The following SERPINB12 variants were observed in gnomAD, a reference collection of about 807,000 sequenced individuals.
SERPINB12 encodes serpin family B member 12, also known as serpin B12.
A neutral mutation model predicts 41.1 loss-of-function variants in SERPINB12; 57 were observed. The ratio of observed to expected loss-of-function variants is 1.39; its 90% CI spans 1.12 to 1.73. The LOEUF (loss-of-function observed/expected upper bound fraction) is 1.73, where lower values mean the gene tolerates loss of function less well. SERPINB12 is among the 40% of genes most tolerant of loss of function. SERPINB12 has a pLI of 0.00. For missense variants in SERPINB12, 536 were observed against 501.9 expected (o/e 1.07, Z -0.65); for synonymous variants, 180 against 181.3 (o/e 0.99, Z 0.06).
chr18:63,566,773 G>C lies in SERPINB12; in HGVS notation c.1040G>C (p.Arg347Thr), dbSNP rs752927011. The C allele has an allele frequency of 6.2e-7, 1 of 1,614,090 alleles. No homozygotes were observed. Among genetic ancestry groups the C allele is most frequent in the South Asian group, 1.1e-5 (1 of 91,064 alleles). Residue 347 changes from arginine to threonine, a missense_variant, in exon 8 of 8, where the codon AGG becomes ACG. Coordinates refer to ENST00000382768, the MANE Select transcript of SERPINB12 (RefSeq NM_001307928.2). The stretch of plus-strand genomic sequence containing the variant: ...ATTACGGATATCTTTGATGAAACGA[G>C]GGCTGATCTTACTGGAATCTCTCCA... ...MGITDIFDET[R>T]ADLTGISPSP... is the part of the protein sequence containing the mutation.
the SERPINB12 span, among the ~76,000 whole-genome samples, chr18:63,534,961 T>A: frequency 6.6e-6 from 1 of 151,986 alleles, no homozygotes; most frequent in East Asian, 1.9e-4. Flanking sequence ...ATGAGCAGAG[T>A]AAATGTCTCA....
rs1911113133 is a variant in SERPINB12 at position 63,566,730 on chromosome 18, A to G, written c.997A>G (p.Ile333Val). 2 of 1,614,114 alleles carry G rather than the reference A, an allele frequency of 1.2e-6. No homozygotes were observed. The highest frequency in any genetic ancestry group is 1.7e-6 in the Non-Finnish European group (2 of 1,180,014). ...GGAAGACAGCTATGATCTCAATTCC[A>G]TTTTACAAGACATGGGCATTACGGA... is the stretch of plus-strand genomic sequence containing the variant. ...TLEDSYDLNS[I>V]LQDMGITDIF... Residue 333 changes from isoleucine to valine, a missense_variant, in exon 8 of 8, where the codon ATT becomes GTT. Transcript: ENST00000382768.
the SERPINB12 span, among the ~76,000 whole-genome samples, chr18:63,524,403 C>T: frequency 6.6e-6 from 1 of 151,412 alleles, no homozygotes; most frequent in African/African-American, 2.4e-5. Flanking sequence ...AATTCTCCTG[C>T]CTCAGCCTCC....
chr18:63,553,376 T>TA (rs1910582609), intron 1 of SERPINB12, among the ~76,000 whole-genome samples: 1 of 152,194 alleles, frequency 6.6e-6, no homozygotes, highest in South Asian at 2.1e-4. Flanking sequence ...CAGTTTTTTT[T>TA]ATCTTGAGAA....
chr18:63,550,575 G>A (rs1228541320), intron 1 of SERPINB12, among the ~76,000 whole-genome samples: 1 of 152,154 alleles, frequency 6.6e-6, no homozygotes, highest in Non-Finnish European at 1.5e-5. Flanking sequence ...AGAAATAAGT[G>A]TAAGCTTAAT....
chr18:63,530,121 G>A, the SERPINB12 span, among the ~76,000 whole-genome samples: 2 of 152,128 alleles, frequency 1.3e-5, no homozygotes, highest in Non-Finnish European at 2.9e-5. Context: ...AATGATCTGG[G>A]TGACCTGGGT....
At chr18:63,556,482 C>T (rs901463595) in intron 2 of SERPINB12, among the ~76,000 whole-genome samples, 155 bp downstream of exon 2, 8 of 152,154 alleles carry the variant, frequency 5.3e-5, no homozygotes, top group Non-Finnish European at 1.5e-5. Context: ...GTATTTTCTC[C>T]ATCTTACTTC....
At position 63,565,603 on chromosome 18, in the gene SERPINB12, T is replaced by C. The variant is rs1369407843; in HGVS notation, c.864T>C (p.Gly288=). The change falls in exon 7 of 8, where the codon GGT becomes GGC. Residue 288 remains glycine, a synonymous_variant. Coordinates refer to ENST00000382768, the MANE Select transcript of SERPINB12 (RefSeq NM_001307928.2). ...CTCACTCTAAAGATAACCTGAAGGGTCTGGAAGAGGTAAATCTTCATTTCC... is the reference window on the plus strand; with the variant it reads ...CTCACTCTAAAGATAACCTGAAGGGCCTGGAAGAGGTAAATCTTCATTTCC... ...LPSHSKDNLK[G]LEELERKITY... is the part of the protein sequence containing the mutation. 2 of 1,608,454 alleles carry C rather than the reference T, an allele frequency of 1.2e-6. No homozygotes were observed. Among genetic ancestry groups the C allele is most frequent in the Non-Finnish European group, 1.7e-6 (2 of 1,178,318 alleles).
At chr18:63,530,112 A>G in the SERPINB12 span, among the ~76,000 whole-genome samples, 987 of 152,238 alleles carry the variant, frequency 6.5e-3, 11 homozygotes, top group African/African-American at 0.023. Context: ...TCATTGGTAA[A>G]TGATCTGGGT....
upstream of SERPINB12, among the ~76,000 whole-genome samples, chr18:63,538,727 C>T (rs1160519713): frequency 1.3e-5 from 2 of 152,128 alleles, no homozygotes; most frequent in Non-Finnish European, 2.9e-5. Context: ...ATTGCTGGAT[C>T]ATATAGTAAC....
chr18:63,564,359 A>G (rs989849676), intron 6 of SERPINB12, among the ~76,000 whole-genome samples: 2 of 152,202 alleles, frequency 1.3e-5, no homozygotes, highest in African/African-American at 4.8e-5. Flanking sequence ...GATGGGTGTT[A>G]TTATGATTTC....
At chr18:63,527,190 G>A in the SERPINB12 span, among the ~76,000 whole-genome samples, 3 of 152,102 alleles carry the variant, frequency 2.0e-5, no homozygotes, top group Admixed American at 2.0e-4. Context: ...TGCTGGTCTG[G>A]TTTGCTTGAC....
At chr18:63,534,638 G>A in the SERPINB12 span, among the ~76,000 whole-genome samples, 1 of 152,050 alleles carries the variant, frequency 6.6e-6, no homozygotes, top group Non-Finnish European at 1.5e-5. Flanking sequence ...AGAAAGAATA[G>A]ATGTTTAGGA....
At chr18:63,554,553 T>TA (rs1392527713) in intron 1 of SERPINB12, among the ~76,000 whole-genome samples, 1 of 152,198 alleles carries the variant, frequency 6.6e-6, no homozygotes, top group African/African-American at 2.4e-5. Flanking sequence ...TACATTTCTA[T>TA]CTTGGAAATA....
At chr18:63,559,791 A>T in intron 4 of SERPINB12, 73 bp downstream of exon 4, 2 of 1,501,960 alleles carry the variant, frequency 1.3e-6, no homozygotes, top group South Asian at 1.2e-5. Context: ...TAGCTGGGTT[A>T]CTCACCTGCC....
chr18:63,519,692 G>C, the SERPINB12 span, among the ~76,000 whole-genome samples: 1 of 152,152 alleles, frequency 6.6e-6, no homozygotes, highest in African/African-American at 2.4e-5. Context: ...AAGGCTGGGA[G>C]TTGGTAACTT....
At chr18:63,548,503 C>T (rs1418801877) in intron 1 of SERPINB12, among the ~76,000 whole-genome samples, 6 of 151,710 alleles carry the variant, frequency 4.0e-5, no homozygotes, top group Non-Finnish European at 8.8e-5. Context: ...AGAGTAAAAA[C>T]AATTCTATAA....
chr18:63,559,060 C>CTTTCTTTCTTTCTT (rs1404721073), intron 3 of SERPINB12, among the ~76,000 whole-genome samples: 1 of 88,986 alleles, frequency 1.1e-5, no homozygotes, highest in African/African-American at 5.4e-5. Flanking sequence ...CTTTCTTTCT[C>CTTTCTTTCTTTCTT]TCCTTCTTCT....
At chr18:63,534,376 T>C in the SERPINB12 span, among the ~76,000 whole-genome samples, 1 of 152,182 alleles carries the variant, frequency 6.6e-6, no homozygotes, top group Non-Finnish European at 1.5e-5. Context: ...TAAAGGGCCC[T>C]GAATTTGTCA....
Sources: gnomAD v4.1 joint callset for allele counts (sites outside exome capture counted in the v4.1 genomes callset) on GRCh38, gnomAD v4.1.1 for gene constraint, MANE v1.5 for transcripts, NCBI Gene and HGNC (gene_info 2026-07-23, HGNC 2026-07-21) for gene names.